The following RAG1 variants were observed in gnomAD, a reference collection of about 807,000 sequenced individuals.
RAG1 encodes recombination activating 1, also known as V(D)J recombination-activating protein 1.
RAG1 carries 35 observed loss-of-function variants against 62.7 expected under a neutral mutation model. That is an observed-to-expected ratio of 0.56 (90% confidence interval 0.43 to 0.74). RAG1 has a LOEUF of 0.74. RAG1 is among the 30% of genes least tolerant of loss of function. The pLI is 0.00. For missense variants in RAG1, 1,169 were observed against 1,278.6 expected (o/e 0.91, Z 1.31); for synonymous variants, 461 against 470.3 (o/e 0.98, Z 0.26).
chr11:36,576,139 T>C lies in RAG1; in HGVS notation c.2835T>C (p.His945=), dbSNP rs1452177505. ...ATTATTTTCACAAAACCCTGGCCCA[T>C]GTTCCTGAAATTATTGAGAGGGATG... The part of the protein sequence containing the change: ...ITNYFHKTLA[H]VPEIIERDGS... The change falls in exon 2 of 2, where the codon CAT becomes CAC. Residue 945 remains histidine, a synonymous_variant. Transcript: ENST00000299440. 2 of 1,614,054 alleles carry C rather than the reference T, an allele frequency of 1.2e-6. No homozygotes were observed. The highest frequency in any genetic ancestry group is 1.7e-5 in the Admixed American group (1 of 60,024).
At position 36,577,676 on chromosome 11, in the gene RAG1, T is replaced by C. The variant is rs995975368; in HGVS notation, c.*1240T>C. 1 of 167,096 alleles carries C rather than the reference T, an allele frequency of 6.0e-6. No individual in the cohort carries two copies. The highest frequency in any genetic ancestry group is 2.1e-4 in the South Asian group (1 of 4,834). 10.4% of individuals were successfully genotyped at this position (167,096 alleles called of 1,614,324 possible). A position where few individuals can be genotyped will look rare whatever the true frequency, so the allele number is the denominator to read the frequency against. ...AGTAGGTGTTGTTATTATCTCCATTTGATGGGGGTTTAAATGATTTGCTCA... is the reference window on the plus strand; with the variant it reads ...AGTAGGTGTTGTTATTATCTCCATTCGATGGGGGTTTAAATGATTTGCTCA... On this transcript the variant is annotated 3_prime_UTR_variant, in exon 2 of 2. Transcript: ENST00000299440.
intron 1 of RAG1, among the ~76,000 whole-genome samples, chr11:36,512,143 A>G (rs1237209607): frequency 6.6e-6 from 1 of 152,126 alleles, no homozygotes; most frequent in Non-Finnish European, 1.5e-5. Context: ...ACTTACAAAT[A>G]CCATTTCCCT....
At chr11:36,572,003 C>T (rs1850754791) in intron 1 of RAG1, among the ~76,000 whole-genome samples, 1 of 152,174 alleles carries the variant, frequency 6.6e-6, no homozygotes, top group Non-Finnish European at 1.5e-5. Context: ...GCTTTGGTAA[C>T]AGCTGTCAGC....
intron 3 of RAG1, among the ~76,000 whole-genome samples, chr11:36,543,351 C>T (rs1014624445): frequency 6.6e-5 from 10 of 152,222 alleles, no homozygotes; most frequent in African/African-American, 2.2e-4. Context: ...ATGCTTGCCT[C>T]ATCCCTCTGA....
At chr11:36,511,852 G>A (rs1859928091) in intron 1 of RAG1, among the ~76,000 whole-genome samples, 1 of 152,186 alleles carries the variant, frequency 6.6e-6, no homozygotes, top group South Asian at 2.1e-4. Context: ...CTTAGTGTGA[G>A]CTCTGGGGCA....
At position 36,575,331 on chromosome 11, in the gene RAG1, G is replaced by T. The variant is rs1850826810; in HGVS notation, c.2027G>T (p.Ser676Ile). Residue 676 changes from serine to isoleucine, a missense_variant, in exon 2 of 2, where the codon AGT becomes ATT. This residue lies in a region of RAG1 where 800 missense variants were observed against 943.3 expected (regional missense o/e 0.85). Coordinates refer to ENST00000299440, the MANE Select transcript of RAG1 (RefSeq NM_000448.3). This position sits in a 1 kb window ranked among gnomAD's most constrained non-coding sequence, Gnocchi z 4.1. Reference protein sequence around the residue: ...SDHETLTAILSPLIAEREAMK... With the variant: ...SDHETLTAILIPLIAEREAMK... ...CACGAGACGCTGACTGCCATCCTGA[G>T]TCCTCTCATTGCTGAGAGGGAGGCC... is the stretch of plus-strand genomic sequence containing the variant. 1 of 1,614,162 alleles carries T rather than the reference G, an allele frequency of 6.2e-7. No homozygotes were observed. Among genetic ancestry groups the T allele is most frequent in the Non-Finnish European group, 8.5e-7 (1 of 1,180,028 alleles).
intron 3 of RAG1, among the ~76,000 whole-genome samples, chr11:36,559,037 T>A (rs375993192): frequency 1.1e-4 from 16 of 152,182 alleles, no homozygotes; most frequent in African/African-American, 3.4e-4. Flanking sequence ...AGTCTAGTGG[T>A]GATAAATTTC....
intron 1 of RAG1, among the ~76,000 whole-genome samples, chr11:36,514,886 T>C (rs971052799): frequency 1.3e-5 from 2 of 151,756 alleles, no homozygotes; most frequent in African/African-American, 4.9e-5. Context: ...GGTTTCTGCA[T>C]GCAAAGATCT....
At chr11:36,550,877 T>G (rs1241728700) in intron 3 of RAG1, among the ~76,000 whole-genome samples, 1 of 152,142 alleles carries the variant, frequency 6.6e-6, no homozygotes, top group Non-Finnish European at 1.5e-5. Context: ...CTCTGCCTAC[T>G]TGGGTCATGT....
At chr11:36,559,708 A>C (rs1002291444) in intron 3 of RAG1, among the ~76,000 whole-genome samples, 1 of 151,906 alleles carries the variant, frequency 6.6e-6, no homozygotes, top group African/African-American at 2.4e-5. Context: ...TTCACCTCCA[A>C]GATTTCTGTT....
At chr11:36,531,468 G>A (rs552582825) in intron 2 of RAG1, among the ~76,000 whole-genome samples, 26 of 151,710 alleles carry the variant, frequency 1.7e-4, no homozygotes, top group Non-Finnish European at 3.4e-4. Context: ...ATAGTGGTAT[G>A]TCTTTTTGTA....
chr11:36,567,320 G>T (rs1850674568), upstream of RAG1: 1 of 152,164 alleles, frequency 6.6e-6, no homozygotes, highest in South Asian at 2.1e-4. Context: ...CTAGCCCATT[G>T]CTCTCAATAA....
chr11:36,512,865 A>G (rs1419413295), intron 1 of RAG1, among the ~76,000 whole-genome samples: 2 of 152,228 alleles, frequency 1.3e-5, no homozygotes, highest in Non-Finnish European at 2.9e-5. Flanking sequence ...TTGTCCTTAT[A>G]AGTAAATCAA....
downstream of RAG1, among the ~76,000 whole-genome samples, chr11:36,536,553 A>G (rs917362703): frequency 3.3e-5 from 5 of 152,086 alleles, no homozygotes; most frequent in African/African-American, 1.2e-4. Flanking sequence ...TTCTATGGGT[A>G]TTTGCTTTAT....
intron 3 of RAG1, among the ~76,000 whole-genome samples, chr11:36,542,270 C>T (rs1850317771): frequency 6.6e-6 from 1 of 152,180 alleles, no homozygotes; most frequent in South Asian, 2.1e-4. Flanking sequence ...AAGTGAGTCT[C>T]TTTAAAGACA....
intron 3 of RAG1, among the ~76,000 whole-genome samples, chr11:36,550,501 A>G (rs1422307882): frequency 6.6e-6 from 1 of 152,110 alleles, no homozygotes; most frequent in Non-Finnish European, 1.5e-5. Context: ...GACTAGTCAC[A>G]ATGGCAGAAG....
chr11:36,534,863 C>A (rs191142802), intron 2 of RAG1, among the ~76,000 whole-genome samples: 1,751 of 152,180 alleles, frequency 0.012, 17 homozygotes, highest in East Asian at 0.03. Flanking sequence ...TGTACATTTT[C>A]ATAAGGCTTT....
In RAG1 at chr11:36,574,138, C is replaced by G; in HGVS notation, c.834C>G (p.Leu278=). The G allele has an allele frequency of 6.2e-7, 1 of 1,614,192 alleles. No individual in the cohort carries two copies. Among genetic ancestry groups the G allele is most frequent in the African/African-American group, 1.3e-5 (1 of 75,036 alleles). ...GTAAGATACATCTTAGTACCAAGCTCCTTGCAGTGGACTTCCCAGAGCACT... is the reference window on the plus strand; with the variant it reads ...GTAAGATACATCTTAGTACCAAGCTGCTTGCAGTGGACTTCCCAGAGCACT... ...NCSKIHLSTK[L]LAVDFPEHFV... The change falls in exon 2 of 2, where the codon CTC becomes CTG. Residue 278 remains leucine, a synonymous_variant. Transcript: ENST00000299440.
At chr11:36,521,356 C>T (rs138752030) in intron 2 of RAG1, among the ~76,000 whole-genome samples, 1,840 of 152,202 alleles carry the variant, frequency 0.012, 18 homozygotes, top group East Asian at 0.03. Context: ...CTGTGCTGTT[C>T]TCATGATAGT....
Sources: gnomAD v4.1 joint callset for allele counts (sites outside exome capture counted in the v4.1 genomes callset) on GRCh38, gnomAD v4.1.1 for gene constraint, gnomAD v4.1.1 regional missense constraint, Gnocchi (gnomAD v3.1) non-coding constraint, MANE v1.5 for transcripts, NCBI Gene and HGNC (gene_info 2026-07-23, HGNC 2026-07-21) for gene names.